MS4A4E: variants seen among roughly 807,000 people sequenced by gnomAD.
MS4A4E encodes the protein putative membrane-spanning 4-domains subfamily A member 4E.
A neutral mutation model predicts 13.3 loss-of-function variants in MS4A4E; 23 were observed. The ratio of observed to expected loss-of-function variants is 1.73; its 90% CI spans 1.25 to 2.45. The LOEUF is 2.45. Among genes scored for constraint, MS4A4E ranks in the 30% most tolerant of loss-of-function variants. The pLI is 0.00. For missense variants in MS4A4E, 144 were observed against 131.2 expected, an observed-to-expected ratio of 1.10 and a Z score of -0.48; for synonymous variants, 36 against 45.6, an observed-to-expected ratio of 0.79 and a Z score of 0.85.
At chr11:60,204,560 C>T (rs546823434) in intron 8 of MS4A4E, among the ~76,000 whole-genome samples, 12 of 152,122 alleles carry the variant, frequency 7.9e-5, no homozygotes, top group Non-Finnish European at 1.2e-4. Context: ...TTCCTCTTTC[C>T]TGTTGGGCTT....
chr11:60,230,429 T>C (rs776045344), intron 1 of MS4A4E, among the ~76,000 whole-genome samples: 3 of 152,212 alleles, frequency 2.0e-5, no homozygotes, highest in Non-Finnish European at 4.4e-5. Flanking sequence ...CCATGAAGGA[T>C]TACTTTTATA....
rs557150399 is a variant in MS4A4E, at chr11:60,201,530, C to T, written c.*13G>A. The T allele has an allele frequency of 8.7e-4, 250 of 288,674 alleles. 2 individuals are homozygous for T. Among genetic ancestry groups the T allele is most frequent in the African/African-American group, 5.0e-3 (212 of 42,654 alleles). The allele number at this position is 288,674 out of a possible 1,614,324, so 17.9% of individuals were successfully genotyped here. A position where few individuals can be genotyped will look rare whatever the true frequency, so the allele number is the denominator to read the frequency against. ...CCCAGACAGGGCGGTGGGGCAAAGG[C>T]GCTCCCCACATCTCAGAAGATGGGC... is the stretch of plus-strand genomic sequence containing the variant. On this transcript the variant is annotated 3_prime_UTR_variant, in exon 9 of 9. Transcript: ENST00000651255.
chr11:60,225,334 C>A (rs749325452), intron 3 of MS4A4E, among the ~76,000 whole-genome samples: 4 of 152,246 alleles, frequency 2.6e-5, no homozygotes, highest in Non-Finnish European at 5.9e-5. Context: ...CCAGAACCAG[C>A]CCAGAGGTGC....
intron 5 of MS4A4E, among the ~76,000 whole-genome samples, chr11:60,209,738 T>G (rs2084095510): frequency 1.3e-5 from 2 of 152,212 alleles, no homozygotes; most frequent in Admixed American, 1.3e-4. Flanking sequence ...TCTATTAATT[T>G]TACCCCGGAC....
chr11:60,240,398 C>A (rs746895702), intron 1 of MS4A4E, among the ~76,000 whole-genome samples: 1 of 152,212 alleles, frequency 6.6e-6, no homozygotes, highest in African/African-American at 2.4e-5. Flanking sequence ...CTTACAGCCT[C>A]TGAATGTTCC....
intron 2 of MS4A4E, among the ~76,000 whole-genome samples, chr11:60,229,583 A>C (rs372806532): frequency 7.9e-5 from 12 of 152,308 alleles, no homozygotes; most frequent in East Asian, 7.7e-4. Context: ...AGCTGTCAGG[A>C]AGGCCTGTGG....
chr11:60,240,403 T>C (rs12271845), intron 1 of MS4A4E, among the ~76,000 whole-genome samples: 3 of 152,210 alleles, frequency 2.0e-5, no homozygotes, highest in Non-Finnish European at 4.4e-5. Flanking sequence ...AGCCTCTGAA[T>C]GTTCCCCGGT....
rs1037255559 is a variant in MS4A4E at position 60,205,733 on chromosome 11, C to A, written c.571G>T (p.Val191Phe). ...QYDGKRLNVD[V>F]DSTVWCSGDG... Reference sequence around the variant, plus strand: ...ATTTACCACCATACAGTACTGTCGACATCAACATTTAGTCTCTTTCCATCA... The same window carrying A: ...ATTTACCACCATACAGTACTGTCGAAATCAACATTTAGTCTCTTTCCATCA... The change falls in exon 7 of 9, where the codon GTC becomes TTC. Residue 191 changes from valine to phenylalanine, a missense_variant. Physicochemically the swap from Val to Phe is conservative, Grantham distance 50. This residue lies in a region of MS4A4E where 21 missense variants were observed against 25.1 expected (regional missense o/e 0.84). Transcript: ENST00000651255. Among the ~76,000 whole-genome samples, 1 of 152,192 alleles carries A rather than the reference C, an allele frequency of 6.6e-6. No homozygotes were observed. The highest frequency in any genetic ancestry group is 1.5e-5 in the Non-Finnish European group (1 of 68,028).
intron 1 of MS4A4E, among the ~76,000 whole-genome samples, chr11:60,231,327 TA>T (rs1306570858): frequency 1.3e-5 from 2 of 151,732 alleles, no homozygotes; most frequent in African/African-American, 4.8e-5. Context: ...TAATTAATAA[TA>T]AGAAATAAAT....
intron 6 of MS4A4E, among the ~76,000 whole-genome samples, chr11:60,207,026 G>T (rs758743964): frequency 3.3e-5 from 5 of 152,090 alleles, no homozygotes; most frequent in Admixed American, 6.5e-5. Flanking sequence ...GTAAACCAAG[G>T]TATCATGAAA....
chr11:60,223,350 G>A (rs1468854099), intron 3 of MS4A4E, among the ~76,000 whole-genome samples: 3 of 152,154 alleles, frequency 2.0e-5, no homozygotes, highest in Non-Finnish European at 2.9e-5. Context: ...AATAGCATTT[G>A]TATAGGGGAT....
At chr11:60,230,555 TA>T (rs2084396321) in intron 1 of MS4A4E, among the ~76,000 whole-genome samples, 1 of 152,210 alleles carries the variant, frequency 6.6e-6, no homozygotes, top group South Asian at 2.1e-4. Context: ...TCTTCCCATG[TA>T]ACCTTGTATT....
chr11:60,205,935 G>T (rs2084033765), intron 6 of MS4A4E, among the ~76,000 whole-genome samples, 115 bp from the exon 7 acceptor site: 1 of 152,170 alleles, frequency 6.6e-6, no homozygotes, highest in Non-Finnish European at 1.5e-5. Flanking sequence ...CCCAGCAGAA[G>T]GTGGGGGAAG....
chr11:60,211,770 A>C (rs1437032944), intron 5 of MS4A4E, among the ~76,000 whole-genome samples: 1 of 152,144 alleles, frequency 6.6e-6, no homozygotes, highest in African/African-American at 2.4e-5. Context: ...AAAATTAGCC[A>C]GGCGTGGTGG....
rs547448355 is a variant in MS4A4E at position 60,233,151 on chromosome 11, C to CTAGTCATTCCTGAGG, written c.-16-3095_-16-3081dup. ...CCCAAGGAAAAAGCTACAGACAGGCCTAGTCATTCCTGAGGCCTTGCTGCT... is the reference window on the plus strand; with the variant it reads ...CCCAAGGAAAAAGCTACAGACAGGCCTAGTCATTCCTGAGGTAGTCATTCCTGAGGCCTTGCTGCT... On this transcript the variant is annotated intron_variant, in intron 1 of 8. Coordinates refer to ENST00000651255, the MANE Select transcript of MS4A4E (RefSeq NM_001393391.1). Among the ~76,000 whole-genome samples, 835 of 152,280 alleles carry CTAGTCATTCCTGAGG rather than the reference C, an allele frequency of 5.5e-3. 10 individuals are homozygous for CTAGTCATTCCTGAGG. The highest frequency in any genetic ancestry group is 0.019 in the African/African-American group (769 of 41,530).
intron 1 of MS4A4E, among the ~76,000 whole-genome samples, chr11:60,233,565 G>A (rs1040332005): frequency 6.6e-6 from 1 of 152,218 alleles, no homozygotes; most frequent in Non-Finnish European, 1.5e-5. Flanking sequence ...ACCTCAGCTC[G>A]CACTGCCACT....
At chr11:60,234,119 T>C (rs1193685021) in intron 1 of MS4A4E, among the ~76,000 whole-genome samples, 4 of 152,188 alleles carry the variant, frequency 2.6e-5, no homozygotes, top group Admixed American at 1.3e-4. Context: ...TATCTCACCA[T>C]TATATTTTGG....
At chr11:60,213,797 C>A (rs2084155735) in intron 4 of MS4A4E, among the ~76,000 whole-genome samples, 1 of 152,094 alleles carries the variant, frequency 6.6e-6, no homozygotes, top group Non-Finnish European at 1.5e-5. Flanking sequence ...TGAAAGGCAT[C>A]TTGACATGAG....
In MS4A4E at chr11:60,200,755, T is replaced by G. The variant is rs1467777019; in HGVS notation, c.*788A>C. 1.3e-5 allele frequency among the ~76,000 whole-genome samples: 2 copies of G among 152,346 alleles called. No homozygotes were observed. The highest frequency in any genetic ancestry group is 4.8e-5 in the African/African-American group (2 of 41,588). Reference sequence around the variant, plus strand: ...TTTCCCCACCTTTCCCCCCTTTCTATTCCACAAAACCGCCATTGTCCTCAT... The same window carrying G: ...TTTCCCCACCTTTCCCCCCTTTCTAGTCCACAAAACCGCCATTGTCCTCAT... On this transcript the variant is annotated 3_prime_UTR_variant, in exon 9 of 9. Transcript: ENST00000651255.
Sources: gnomAD v4.1 joint callset for allele counts (sites outside exome capture counted in the v4.1 genomes callset) on GRCh38, gnomAD v4.1.1 for gene constraint, gnomAD v4.1.1 regional missense constraint, MANE v1.5 for transcripts, NCBI Gene and HGNC (gene_info 2026-07-23, HGNC 2026-07-21) for gene names.